GAREM1: variants seen among roughly 807,000 people sequenced by gnomAD.
GAREM1 encodes the protein GRB2 associated regulator of MAPK1 subtype 1, also known as GRB2-associated and regulator of MAPK protein 1.
Under a neutral mutation model 71.3 loss-of-function variants are expected in GAREM1, and 26 were observed. The ratio of observed to expected loss-of-function variants is 0.36; its 90% CI spans 0.27 to 0.51. The LOEUF (loss-of-function observed/expected upper bound fraction) is 0.51. GAREM1 is among the 20% of genes least tolerant of loss of function. The pLI is 0.95. For missense variants in GAREM1, 1,026 were observed against 1,103.1 expected, an observed-to-expected ratio of 0.93 and a Z score of 0.99; for synonymous variants, 440 against 433.2, an observed-to-expected ratio of 1.02 and a Z score of -0.20.
intron 1 of GAREM1, among the ~76,000 whole-genome samples, chr18:32,446,249 T>TGTGTGCAC (rs141510183): frequency 6.6e-6 from 1 of 151,860 alleles, no homozygotes; most frequent in East Asian, 1.9e-4. Flanking sequence ...TGTGTGTGTG[T>TGTGTGCAC]GTGTATAACA....
At chr18:32,293,305 T>C (rs551015227) in intron 3 of GAREM1, among the ~76,000 whole-genome samples, 1 of 152,198 alleles carries the variant, frequency 6.6e-6, no homozygotes, top group African/African-American at 2.4e-5. Flanking sequence ...CAAGGTGTGC[T>C]TGGAACATTT....
intron 2 of GAREM1, among the ~76,000 whole-genome samples, chr18:32,369,313 T>C (rs569243635): frequency 6.6e-6 from 1 of 152,318 alleles, no homozygotes; most frequent in Non-Finnish European, 1.5e-5. Context: ...GCAGAGATAG[T>C]TAGGAATTAG....
chr18:32,293,315 T>C (rs76699997), intron 3 of GAREM1, among the ~76,000 whole-genome samples: 19,924 of 152,146 alleles, frequency 0.13, 1,796 homozygotes, highest in Non-Finnish European at 0.19. Flanking sequence ...TTGGAACATT[T>C]TGTCATGCCA....
chr18:32,413,296 G>A, intron 1 of GAREM1: 3 of 1,239,686 alleles, frequency 2.4e-6, no homozygotes, highest in Admixed American at 2.0e-5. Flanking sequence ...ACATTAAGTA[G>A]ATTTCCAAAA....
intron 2 of GAREM1, among the ~76,000 whole-genome samples, chr18:32,350,056 G>C (rs1206401825): frequency 1.3e-5 from 2 of 152,116 alleles, no homozygotes; most frequent in Non-Finnish European, 2.9e-5. Context: ...TTTACACCTT[G>C]GCAGGAAGCA....
Position 32,456,400 on chromosome 18 carries a change from G to A in GAREM1, c.121+13908C>T, listed in dbSNP as rs549514511. Among the ~76,000 whole-genome samples the A allele has an allele frequency of 1.1e-4, 17 of 152,160 alleles. No homozygotes were observed. The East Asian group carries it at 2.9e-3, about 26-fold the overall frequency. ...AACGCAGCAATAAGAGCTTTATATCGATTACGCTGGTGAATATTTTTTAAA... is the reference window on the plus strand; with the variant it reads ...AACGCAGCAATAAGAGCTTTATATCAATTACGCTGGTGAATATTTTTTAAA... On this transcript the variant is annotated intron_variant, in intron 1 of 5. Transcript: ENST00000269209.
chr18:32,447,312 G>A (rs1433933294), intron 1 of GAREM1, among the ~76,000 whole-genome samples: 1 of 152,062 alleles, frequency 6.6e-6, no homozygotes, highest in Non-Finnish European at 1.5e-5. Context: ...ATAAGAAACT[G>A]GCTAACTTAT....
At chr18:32,402,531 C>CT (rs1419986558) in intron 1 of GAREM1, among the ~76,000 whole-genome samples, 1 of 152,116 alleles carries the variant, frequency 6.6e-6, no homozygotes, top group Non-Finnish European at 1.5e-5. Context: ...TCCTGAGCCA[C>CT]TTTTCTGATC....
chr18:32,286,629 C>T (rs954930056), intron 4 of GAREM1, among the ~76,000 whole-genome samples: 7 of 152,132 alleles, frequency 4.6e-5, no homozygotes, highest in African/African-American at 1.7e-4. Context: ...GTTGGGTTTA[C>T]CTATGAAACA....
chr18:32,463,808 A>AGCCTCCCACC (rs2048974299), intron 1 of GAREM1, among the ~76,000 whole-genome samples: 1 of 151,604 alleles, frequency 6.6e-6, no homozygotes, highest in Admixed American at 6.6e-5. Context: ...TGACCTCGTG[A>AGCCTCCCACC]TCCGCCCACC....
At chr18:32,363,995 C>CTATATATAT (rs1555638701) in intron 2 of GAREM1, among the ~76,000 whole-genome samples, 1 of 21,330 alleles carries the variant, frequency 4.7e-5, no homozygotes, top group Non-Finnish European at 8.5e-5. Flanking sequence ...TACATATATA[C>CTATATATAT]ATATATATAT....
chr18:32,287,737 A>G lies in GAREM1; in HGVS notation c.860T>C (p.Leu287Pro). 1 of 1,614,004 alleles carries G rather than the reference A, an allele frequency of 6.2e-7. No homozygotes were observed. The highest frequency in any genetic ancestry group is 1.1e-5 in the South Asian group (1 of 91,070). The part of the protein sequence containing the change: ...QTKTVVVCCV[L>P]RNNKILPMHF... ...CATGGGGAGGATCTTGTTGTTCCGC[A>G]GCACACAGCAAACCACCACCGTCTT... The change falls in exon 4 of 6, where the codon CTG (leucine) becomes CCG (proline). Residue 287 changes from leucine to proline, a missense_variant. Transcript: ENST00000269209. This position sits in a 1 kb window ranked among gnomAD's most constrained non-coding sequence, Gnocchi z 5.9.
intron 2 of GAREM1, among the ~76,000 whole-genome samples, chr18:32,390,095 C>T (rs979633374): frequency 2.7e-4 from 41 of 152,226 alleles, no homozygotes; most frequent in Middle Eastern, 6.8e-3. Flanking sequence ...CCTTTGAGCC[C>T]AGTAGTCCAG....
At chr18:32,346,136 T>C (rs887588280) in intron 2 of GAREM1, among the ~76,000 whole-genome samples, 1 of 152,204 alleles carries the variant, frequency 6.6e-6, no homozygotes, top group African/African-American at 2.4e-5. Context: ...TGCCTGTTGC[T>C]TTATTTTTTA....
At chr18:32,396,673 C>T (rs892166213) in intron 1 of GAREM1, among the ~76,000 whole-genome samples, 11 of 152,134 alleles carry the variant, frequency 7.2e-5, no homozygotes, top group African/African-American at 1.2e-4. Context: ...ACCAAATCTA[C>T]GTCTGATTGG....
intron 1 of GAREM1, among the ~76,000 whole-genome samples, chr18:32,422,418 C>A: frequency 6.6e-6 from 1 of 151,808 alleles, no homozygotes; most frequent in African/African-American, 2.4e-5. Context: ...CCCCAGGTTT[C>A]TTTTAACTGC....
intron 2 of GAREM1, among the ~76,000 whole-genome samples, chr18:32,315,439 A>T (rs905514638): frequency 1.1e-4 from 16 of 147,496 alleles, no homozygotes; most frequent in Middle Eastern, 3.6e-3. Context: ...TATATATAAA[A>T]AAATATATAT....
chr18:32,337,935 G>A (rs2047614101), intron 2 of GAREM1, among the ~76,000 whole-genome samples: 1 of 152,022 alleles, frequency 6.6e-6, no homozygotes, highest in Non-Finnish European at 1.5e-5. Flanking sequence ...AAACACATTC[G>A]CTAACTAACC....
At position 32,267,250 on chromosome 18, in the gene GAREM1, A is replaced by G. The variant is rs2041386033; in HGVS notation, c.*621T>C. On this transcript the variant is annotated 3_prime_UTR_variant, in exon 6 of 6. Coordinates refer to ENST00000269209, the MANE Select transcript of GAREM1 (RefSeq NM_001242409.2). ...AATTAGCAGCAGTTACAGATAAATT[A>G]TTGTGGTCATGATTTGTGTGATTTC... The G allele has an allele frequency of 6.6e-6, 1 of 152,226 alleles. No individual in the cohort carries two copies. The highest frequency in any genetic ancestry group is 6.5e-5 in the Admixed American group (1 of 15,278). The allele number at this position is 152,226 out of a possible 1,614,324, so 9.4% of individuals were successfully genotyped here.
Sources: allele counts gnomAD v4.1 joint callset (sites outside exome capture counted in the v4.1 genomes callset), GRCh38; gene constraint gnomAD v4.1.1; non-coding constraint Gnocchi (gnomAD v3.1); transcripts MANE v1.5; gene names NCBI Gene and HGNC (gene_info 2026-07-23, HGNC 2026-07-21).